ZNF184: variants seen among roughly 807,000 people sequenced by gnomAD.
The protein encoded by ZNF184 is zinc finger protein 184.
A neutral mutation model predicts 54.4 loss-of-function variants in ZNF184; 16 were observed. The ratio of observed to expected loss-of-function variants is 0.29; its 90% CI spans 0.20 to 0.45. ZNF184 has a LOEUF of 0.45. Ranked by LOEUF, ZNF184 falls within the 20% of genes least tolerant of loss-of-function variation. The pLI, the probability that ZNF184 is intolerant of heterozygous loss-of-function variation, is 1.00. For missense variants in ZNF184, 681 were observed against 888.2 expected, an observed-to-expected ratio of 0.77 and a Z score of 2.97; for synonymous variants, 254 against 295.3, an observed-to-expected ratio of 0.86 and a Z score of 1.43.
rs1762762402 is a variant in ZNF184, at chr6:27,452,720, C to T, written c.839G>A (p.Cys280Tyr). 6.2e-7 allele frequency: 1 copy of T among 1,614,124 alleles called. No individual in the cohort carries two copies. Among genetic ancestry groups the T allele is most frequent in the Non-Finnish European group, 8.5e-7 (1 of 1,180,014 alleles). ...AATGAAGCCTTTTCCACACTGATCACATTTATATGGTTTATCTCCAGTATG... is the reference window on the plus strand; with the variant it reads ...AATGAAGCCTTTTCCACACTGATCATATTTATATGGTTTATCTCCAGTATG... The part of the protein sequence containing the change: ...RIHTGDKPYK[C>Y]DQCGKGFIEG... The change falls in exon 6 of 6, where the codon TGT (cysteine) becomes TAT (tyrosine). Residue 280 changes from cysteine (C) to tyrosine (Y), a missense_variant. By Grantham distance (194) the Cys-to-Tyr change is radical. Transcript: ENST00000683788. The surrounding 1 kb of genome is among the most constrained non-coding windows in gnomAD (Gnocchi z 5.5).
chr6:27,445,203 A>G, the ZNF184 span, among the ~76,000 whole-genome samples: 13 of 152,232 alleles, frequency 8.5e-5, no homozygotes, highest in Non-Finnish European at 1.6e-4. Flanking sequence ...AAACAATCCA[A>G]ATGCCTGTCT....
At position 27,451,378 on chromosome 6, in the gene ZNF184, T is replaced by C; in HGVS notation, c.2181A>G (p.Gly727=). The change falls in exon 6 of 6, where the codon GGA becomes GGG. Residue 727 remains glycine, a synonymous_variant. Coordinates refer to ENST00000683788, the MANE Select transcript of ZNF184 (RefSeq NM_001318891.2). ...TGAAGGATTTTCCACAATCATTACA[T>C]CCAAAAGGCTTCTCTCCTGAATGAA... ...QRIHSGEKPF[G]CNDCGKSFRY... The C allele has an allele frequency of 1.2e-6, 2 of 1,614,124 alleles. No homozygotes were observed. Among genetic ancestry groups the C allele is most frequent in the Non-Finnish European group, 1.7e-6 (2 of 1,179,984 alleles).
the ZNF184 span, among the ~76,000 whole-genome samples, chr6:27,420,620 G>A: frequency 6.6e-6 from 1 of 152,158 alleles, no homozygotes. Context: ...TATGAGAATG[G>A]CCCAAATCCT....
At chr6:27,457,154 G>A in intron 4 of ZNF184, 129 bp downstream of exon 4, 1 of 1,329,478 alleles carries the variant, frequency 7.5e-7, no homozygotes, top group Non-Finnish European at 1.0e-6. Context: ...TAGGATGGTA[G>A]AAACCTTTTC....
chr6:27,423,644 C>G, the ZNF184 span, among the ~76,000 whole-genome samples: 1 of 77,274 alleles, frequency 1.3e-5, no homozygotes, highest in South Asian at 5.9e-4. Context: ...GCCAAAAAAA[C>G]AAAAAACAAA....
the ZNF184 span, among the ~76,000 whole-genome samples, chr6:27,431,078 A>AAAT: frequency 3.3e-5 from 5 of 152,106 alleles, no homozygotes; most frequent in Non-Finnish European, 7.4e-5. Flanking sequence ...AGGTCCCTGA[A>AAAT]AATACCTTAT....
chr6:27,468,465 G>GA (rs1763196685), intron 2 of ZNF184, among the ~76,000 whole-genome samples: 1 of 152,114 alleles, frequency 6.6e-6, no homozygotes, highest in African/African-American at 2.4e-5. Flanking sequence ...TATGAAAACT[G>GA]GTAGTTTATA....
chr6:27,446,915 C>T (rs545487242), downstream of ZNF184, among the ~76,000 whole-genome samples: 14 of 151,976 alleles, frequency 9.2e-5, no homozygotes, highest in African/African-American at 1.7e-4. Flanking sequence ...GAGGCTGAAG[C>T]GGGTGGATCA....
chr6:27,463,761 C>T (rs554962707), intron 3 of ZNF184, among the ~76,000 whole-genome samples: 5 of 151,920 alleles, frequency 3.3e-5, no homozygotes, highest in Non-Finnish European at 5.9e-5. Context: ...ACAATGGACA[C>T]TGGAGCAATA....
the ZNF184 span, among the ~76,000 whole-genome samples, chr6:27,423,845 A>G: frequency 7.2e-5 from 11 of 152,252 alleles, no homozygotes; most frequent in Non-Finnish European, 1.0e-4. Context: ...ATATTCTTTT[A>G]CAATGTAATT....
At chr6:27,461,571 C>T (rs972522692) in intron 3 of ZNF184, among the ~76,000 whole-genome samples, 18 of 152,178 alleles carry the variant, frequency 1.2e-4, no homozygotes, top group African/African-American at 3.6e-4. Context: ...TACTCTCCTA[C>T]ATGAAATAAA....
Position 27,451,099 on chromosome 6 carries a change from A to G in ZNF184, c.*204T>C. On this transcript the variant is annotated 3_prime_UTR_variant, in exon 6 of 6. Transcript: ENST00000683788. ...ATTCCATAAAGGAAACTAAAGCTTAAAACAGTAGAGTTTTCTAATGTCACA... is the reference window on the plus strand; with the variant it reads ...ATTCCATAAAGGAAACTAAAGCTTAGAACAGTAGAGTTTTCTAATGTCACA... 2.0e-6 allele frequency: 1 copy of G among 511,082 alleles called. No homozygotes were observed. The highest frequency in any genetic ancestry group is 3.2e-5 in the East Asian group (1 of 31,228). 31.7% of individuals were successfully genotyped at this position (511,082 alleles called of 1,614,324 possible).
At chr6:27,430,927 G>T in the ZNF184 span, among the ~76,000 whole-genome samples, 1 of 152,186 alleles carries the variant, frequency 6.6e-6, no homozygotes, top group Non-Finnish European at 1.5e-5. Context: ...GCCAAGAGAT[G>T]CAGTGAAGAA....
the ZNF184 span, among the ~76,000 whole-genome samples, chr6:27,432,828 G>A: frequency 2.6e-5 from 4 of 152,190 alleles, no homozygotes. The surrounding 1 kb of genome is among the most constrained non-coding windows in gnomAD (Gnocchi z 4.0). Flanking sequence ...TTTGACAGAA[G>A]TGCCAGTGAG....
chr6:27,447,406 G>A (rs1390492988), downstream of ZNF184, among the ~76,000 whole-genome samples: 4 of 151,904 alleles, frequency 2.6e-5, no homozygotes, highest in Non-Finnish European at 4.4e-5. Flanking sequence ...TTTAAGAGGC[G>A]GGACCTTTAA....
chr6:27,440,019 C>T, the ZNF184 span, among the ~76,000 whole-genome samples: 90,957 of 151,968 alleles, frequency 0.6, 27,486 homozygotes, highest in Middle Eastern at 0.75. Context: ...TAAAAAAAAA[C>T]TGGGCAGCTG....
chr6:27,461,176 C>A (rs1198282651), intron 3 of ZNF184, among the ~76,000 whole-genome samples: 1 of 152,116 alleles, frequency 6.6e-6, no homozygotes, highest in Non-Finnish European at 1.5e-5. Flanking sequence ...TGAATTCGGA[C>A]TCCAAGACTC....
At chr6:27,471,632 A>G (rs1763278313) in intron 2 of ZNF184, among the ~76,000 whole-genome samples, 1 of 152,246 alleles carries the variant, frequency 6.6e-6, no homozygotes, top group African/African-American at 2.4e-5. Context: ...AGGTCTAGAT[A>G]CATCACATAG....
At chr6:27,471,624 G>T (rs766306538) in intron 2 of ZNF184, among the ~76,000 whole-genome samples, 1 of 152,170 alleles carries the variant, frequency 6.6e-6, no homozygotes, top group African/African-American at 2.4e-5. Context: ...TCAGAGAAAG[G>T]TCTAGATACA....
Sources: allele counts gnomAD v4.1 joint callset (sites outside exome capture counted in the v4.1 genomes callset), GRCh38; gene constraint gnomAD v4.1.1; non-coding constraint Gnocchi (gnomAD v3.1); transcripts MANE v1.5; gene names NCBI Gene and HGNC (gene_info 2026-07-23, HGNC 2026-07-21).